Variants in ACAP2 observed in about 807,000 individuals in gnomAD.
The protein encoded by ACAP2 is arf-GAP with coiled-coil, ANK repeat and PH domain-containing protein 2.
In ACAP2, 39 loss-of-function variants were observed where a neutral mutation model predicts 115.8. The ratio of observed to expected loss-of-function variants is 0.34; its 90% CI spans 0.26 to 0.44. The LOEUF is 0.44. Ranked by LOEUF, ACAP2 falls within the 20% of genes least tolerant of loss-of-function variation. The pLI, the probability that ACAP2 is intolerant of heterozygous loss-of-function variation, is 1.00. For missense variants in ACAP2, 662 were observed against 927.6 expected (o/e 0.71, Z 3.72); for synonymous variants, 289 against 315.8 (o/e 0.92, Z 0.90).
At chr3:195,361,797 G>C (rs77990721) in intron 4 of ACAP2, among the ~76,000 whole-genome samples, 188 of 151,964 alleles carry the variant, frequency 1.2e-3, no homozygotes, top group African/African-American at 4.2e-3. Flanking sequence ...ACTAAGAAAA[G>C]AGAAGACCAA....
chr3:195,309,801 C>T (rs1474559401), intron 10 of ACAP2, among the ~76,000 whole-genome samples: 1 of 152,096 alleles, frequency 6.6e-6, no homozygotes, highest in African/African-American at 2.4e-5. Flanking sequence ...TATGGTTCTG[C>T]TCATTACTGT....
In ACAP2 at chr3:195,275,074, C is replaced by G. The variant is rs1726145203; in HGVS notation, c.*4254G>C. ...AAACACATATATAAAAGTAGCTCATCATTTCCAAAAGTTAACCTTTAGCCT... is the reference window on the plus strand; with the variant it reads ...AAACACATATATAAAAGTAGCTCATGATTTCCAAAAGTTAACCTTTAGCCT... On this transcript the variant is annotated 3_prime_UTR_variant, in exon 23 of 23. Coordinates refer to ENST00000326793, the MANE Select transcript of ACAP2 (RefSeq NM_012287.6). 6.6e-6 allele frequency: 1 copy of G among 152,652 alleles called. No homozygotes were observed. Among genetic ancestry groups the G allele is most frequent in the African/African-American group, 2.4e-5 (1 of 41,464 alleles). 9.5% of individuals were successfully genotyped at this position (152,652 alleles called of 1,614,324 possible). A position where few individuals can be genotyped will look rare whatever the true frequency, so the allele number is the denominator to read the frequency against.
intron 9 of ACAP2, chr3:195,325,441 T>TTTTTA: frequency 4.8e-6 from 2 of 414,428 alleles, no homozygotes; most frequent in South Asian, 1.8e-5. Flanking sequence ...TTTTTTTTTT[T>TTTTTA]ACCTGTAACG....
chr3:195,313,316 C>T (rs1728879880), intron 10 of ACAP2, among the ~76,000 whole-genome samples: 1 of 152,158 alleles, frequency 6.6e-6, no homozygotes, highest in African/African-American at 2.4e-5. Context: ...ATGGTCATGG[C>T]TATAAAATAT....
At chr3:195,334,442 C>G (rs1371595442) in intron 7 of ACAP2, among the ~76,000 whole-genome samples, 1 of 151,810 alleles carries the variant, frequency 6.6e-6, no homozygotes, top group African/African-American at 2.4e-5. Context: ...GCAAAACAAG[C>G]ATATTAAAAG....
intron 1 of ACAP2, among the ~76,000 whole-genome samples, chr3:195,425,718 T>C (rs148978205): frequency 1.0e-3 from 152 of 152,340 alleles, no homozygotes; most frequent in African/African-American, 3.6e-3. Context: ...TCTTCCCTTG[T>C]CTTCCTCTTT....
rs574832535 is a variant in ACAP2, at chr3:195,327,100, A to C, written c.670-141T>G. ...TAATAAAGTTTTGGCTAAATTTTGA[A>C]GTAGAAGTTCATATTTTTTTCTGCT... On this transcript the variant is annotated intron_variant, in intron 8 of 22. Transcript: ENST00000326793. 26 of 769,124 alleles carry C rather than the reference A, an allele frequency of 3.4e-5. 1 individual carries two copies. Among genetic ancestry groups the C allele is most frequent in the African/African-American group, 3.0e-4 (17 of 56,720 alleles). The allele number at this position is 769,124 out of a possible 1,614,324, so 47.6% of individuals were successfully genotyped here.
intron 18 of ACAP2, 101 bp downstream of exon 18, chr3:195,294,604 AAAAATTATATATAT>A: frequency 1.2e-5 from 1 of 80,930 alleles, no homozygotes; most frequent in East Asian, 4.7e-4. Context: ...AAAAAAAAAA[AAAAATTATATATAT>A]ATATATATAT....
intron 4 of ACAP2, among the ~76,000 whole-genome samples, chr3:195,360,743 G>T (rs1216694548): frequency 6.6e-6 from 1 of 151,900 alleles, no homozygotes; most frequent in Non-Finnish European, 1.5e-5. Context: ...GCAGTGAGTT[G>T]GGATCGTGCC....
chr3:195,319,077 C>T (rs1729274983), intron 10 of ACAP2, among the ~76,000 whole-genome samples: 2 of 152,208 alleles, frequency 1.3e-5, no homozygotes, highest in South Asian at 2.1e-4. Context: ...AGGTACAGCT[C>T]GGGCCACTGC....
intron 1 of ACAP2, among the ~76,000 whole-genome samples, chr3:195,406,148 C>T (rs1400740951): frequency 6.6e-6 from 1 of 152,148 alleles, no homozygotes; most frequent in Non-Finnish European, 1.5e-5. Context: ...ACTGGGTTAC[C>T]TCTGCTTGAA....
At chr3:195,285,736 T>A (rs1350157455) in intron 22 of ACAP2, 60 bp downstream of exon 22, 1 of 1,361,456 alleles carries the variant, frequency 7.3e-7, no homozygotes, top group Non-Finnish European at 1.0e-6. Context: ...TGTAAACTGA[T>A]AAATTCCTGA....
rs540263120 is a variant in ACAP2, at chr3:195,281,262, G to A, written c.2237-1834C>T. Among the ~76,000 whole-genome samples, 68 of 152,100 alleles carry A rather than the reference G, an allele frequency of 4.5e-4. 1 individual carries two copies. The South Asian group carries it at 0.012, about 26-fold the overall frequency. On this transcript the variant is annotated intron_variant, in intron 22 of 22. Transcript: ENST00000326793. The stretch of plus-strand genomic sequence containing the variant: ...CTATTAAAAATACAAAAAATTAGCC[G>A]GGCGTGGTGGTGGGCGCCTGTAGTC...
chr3:195,427,581 G>A (rs944024813), intron 1 of ACAP2, among the ~76,000 whole-genome samples: 3 of 152,036 alleles, frequency 2.0e-5, no homozygotes, highest in Admixed American at 2.0e-4. Context: ...ACTGAATACT[G>A]TAGGCAATTG....
intron 1 of ACAP2, among the ~76,000 whole-genome samples, chr3:195,425,922 G>A (rs1025893692): frequency 6.6e-6 from 1 of 152,018 alleles, no homozygotes; most frequent in Admixed American, 6.6e-5. Flanking sequence ...TTCCTGCGTG[G>A]TCTCTTTGCA....
At chr3:195,392,057 C>T in intron 2 of ACAP2, 33 bp downstream of exon 2, 1 of 1,563,166 alleles carries the variant, frequency 6.4e-7, no homozygotes. Flanking sequence ...AAACGAGAAT[C>T]AATGTTTCAA....
intron 4 of ACAP2, among the ~76,000 whole-genome samples, chr3:195,375,034 A>G (rs760183034): frequency 2.0e-5 from 3 of 151,904 alleles, no homozygotes; most frequent in Non-Finnish European, 4.4e-5. Context: ...TCTACTAAAA[A>G]TACAAAAATT....
In ACAP2 at chr3:195,277,303, A is replaced by G. The variant is rs1260875490; in HGVS notation, c.*2025T>C. 6.6e-6 allele frequency: 1 copy of G among 152,240 alleles called. No individual in the cohort carries two copies. The highest frequency in any genetic ancestry group is 1.9e-4 in the East Asian group (1 of 5,208). The allele number at this position is 152,240 out of a possible 1,614,324, so 9.4% of individuals were successfully genotyped here. On this transcript the variant is annotated 3_prime_UTR_variant, in exon 23 of 23. Coordinates refer to ENST00000326793, the MANE Select transcript of ACAP2 (RefSeq NM_012287.6). ...ATAATTTCAAGGTACATGCTAATAA[A>G]AACTACAAATCAGATTTTTGCCTTT...
At chr3:195,394,348 T>C (rs1417885047) in intron 1 of ACAP2, among the ~76,000 whole-genome samples, 1 of 152,222 alleles carries the variant, frequency 6.6e-6, no homozygotes, top group Non-Finnish European at 1.5e-5. Context: ...TAACCTTTAT[T>C]TATCTTTACT....
Sources: gnomAD v4.1 joint callset for allele counts (sites outside exome capture counted in the v4.1 genomes callset) on GRCh38, gnomAD v4.1.1 for gene constraint, MANE v1.5 for transcripts, NCBI Gene and HGNC (gene_info 2026-07-23, HGNC 2026-07-21) for gene names.